The following CHL1 variants were observed in gnomAD, a reference collection of about 807,000 sequenced individuals.
CHL1 encodes the protein neural cell adhesion molecule L1-like protein.
A neutral mutation model predicts 141.9 loss-of-function variants in CHL1; 96 were observed. The ratio of observed to expected loss-of-function variants is 0.68; its 90% CI spans 0.57 to 0.80. The LOEUF is 0.80. Among genes scored for constraint, CHL1 ranks in the 30% least tolerant of loss-of-function variants. CHL1 has a pLI of 0.00. For synonymous variants in CHL1, 613 were observed against 502.2 expected, an observed-to-expected ratio of 1.22 and a Z score of -2.95; for missense variants, 1,820 against 1,457.2, an observed-to-expected ratio of 1.25 and a Z score of -4.05.
chr3:354,907 G>A, intron 11 of CHL1, 136 bp downstream of exon 11: 1 of 1,112,624 alleles, frequency 9.0e-7, no homozygotes, highest in Non-Finnish European at 1.3e-6. Flanking sequence ...ATCAGAGATT[G>A]TTTATTTCTA....
At chr3:273,067 G>A (rs1032486323) in intron 2 of CHL1, among the ~76,000 whole-genome samples, 4 of 152,172 alleles carry the variant, frequency 2.6e-5, no homozygotes, top group South Asian at 2.1e-4. Flanking sequence ...ACATCTCTGC[G>A]AAGATCTGGG....
At chr3:264,796 C>G (rs538210926) in intron 2 of CHL1, among the ~76,000 whole-genome samples, 1 of 152,182 alleles carries the variant, frequency 6.6e-6, no homozygotes, top group Non-Finnish European at 1.5e-5. Context: ...TCGCAATGGA[C>G]TGTTTGCGTA....
intron 5 of CHL1, among the ~76,000 whole-genome samples, chr3:334,104 G>A (rs1198453006): frequency 1.3e-5 from 2 of 152,066 alleles, no homozygotes; most frequent in African/African-American, 2.4e-5. Context: ...CTACAGGCAT[G>A]TACCACCATG....
At chr3:392,929 C>T (rs1030450596) in intron 23 of CHL1, among the ~76,000 whole-genome samples, 2 of 147,644 alleles carry the variant, frequency 1.4e-5, no homozygotes, top group Non-Finnish European at 3.0e-5. Flanking sequence ...AATGTACTAT[C>T]ACTATTTTAT....
At chr3:313,708 G>A (rs1483657051) in intron 2 of CHL1, among the ~76,000 whole-genome samples, 2 of 152,144 alleles carry the variant, frequency 1.3e-5, no homozygotes, top group African/African-American at 4.8e-5. Flanking sequence ...TGAAAACTTA[G>A]TCTTAACCAT....
chr3:359,761 A>C (rs1400229415), intron 11 of CHL1, among the ~76,000 whole-genome samples: 2 of 152,206 alleles, frequency 1.3e-5, no homozygotes, highest in African/African-American at 2.4e-5. Flanking sequence ...ATGTACATGA[A>C]GTGGTTAAAT....
chr3:357,156 G>C (rs1393109854), intron 11 of CHL1, among the ~76,000 whole-genome samples: 1 of 152,204 alleles, frequency 6.6e-6, no homozygotes, highest in Non-Finnish European at 1.5e-5. Context: ...TCAAACCAAA[G>C]CCAGGTGGCT....
rs143273520 is a variant in CHL1 at position 220,125 on chromosome 3, G to A, written c.-175+23062G>A. On this transcript the variant is annotated intron_variant, in intron 1 of 27. Transcript: ENST00000256509. ...TGGAAAAGGTGAAATTGAAGGGATA[G>A]CAATAGAATCATTGTTTTTAAAGAC... Among the ~76,000 whole-genome samples the A allele has an allele frequency of 5.3e-4, 80 of 152,326 alleles. 1 individual carries two copies. The highest frequency in any genetic ancestry group is 1.9e-3 in the African/African-American group (78 of 41,582).
At position 406,999 on chromosome 3, in the gene CHL1, T is replaced by A. The variant is rs1395976188; in HGVS notation, c.*1288T>A. 1 of 152,094 alleles carries A rather than the reference T, an allele frequency of 6.6e-6. No homozygotes were observed. The allele number at this position is 152,094 out of a possible 1,614,324, so 9.4% of individuals were successfully genotyped here. A position where few individuals can be genotyped will look rare whatever the true frequency, so the allele number is the denominator to read the frequency against. On this transcript the variant is annotated 3_prime_UTR_variant, in exon 28 of 28. Transcript: ENST00000256509. ...TTTTAAACATCTTTGTGGTGAGAAT[T>A]TTTTCCCCGATATTCTCCTTCTGTC...
intron 4 of CHL1, 101 bp from the exon 5 acceptor site, chr3:328,066 A>C: frequency 1.2e-6 from 1 of 843,380 alleles, no homozygotes; most frequent in East Asian, 2.6e-5. Flanking sequence ...ACTTTTTATC[A>C]TAAAATGTCT....
intron 26 of CHL1, 67 bp downstream of exon 26, chr3:399,215 G>A: frequency 7.3e-7 from 1 of 1,378,870 alleles, no homozygotes; most frequent in Non-Finnish European, 1.0e-6. Flanking sequence ...ATTCTTCAGA[G>A]ACAACTTTTT....
intron 5 of CHL1, among the ~76,000 whole-genome samples, chr3:337,460 G>T (rs1701981241): frequency 6.6e-6 from 1 of 151,972 alleles, no homozygotes; most frequent in South Asian, 2.1e-4. Flanking sequence ...CTGGTGTGCT[G>T]CACCCATTAA....
chr3:398,147 C>G, intron 24 of CHL1, 80 bp from the exon 25 acceptor site: 1 of 901,686 alleles, frequency 1.1e-6, no homozygotes, highest in East Asian at 2.9e-5. Context: ...CTTTCTTATT[C>G]ACCTCTAACA....
At chr3:278,508 A>C (rs932970173) in intron 2 of CHL1, among the ~76,000 whole-genome samples, 1 of 152,306 alleles carries the variant, frequency 6.6e-6, no homozygotes, top group African/African-American at 2.4e-5. Context: ...AGTACCTCTC[A>C]AAGCAATGAA....
intron 2 of CHL1, among the ~76,000 whole-genome samples, chr3:284,730 C>T (rs1574957548): frequency 1.3e-5 from 2 of 151,480 alleles, no homozygotes; most frequent in African/African-American, 4.9e-5. Flanking sequence ...AAATCCTGGC[C>T]TGATACATTT....
intron 2 of CHL1, among the ~76,000 whole-genome samples, chr3:283,520 G>T (rs1478683832): frequency 6.6e-6 from 1 of 152,106 alleles, no homozygotes; most frequent in South Asian, 2.1e-4. Flanking sequence ...TCATCTATCT[G>T]TCTGTCTATC....
At chr3:214,924 G>C (rs1700187451) in intron 1 of CHL1, among the ~76,000 whole-genome samples, 1 of 150,552 alleles carries the variant, frequency 6.6e-6, no homozygotes, top group Non-Finnish European at 1.5e-5. Context: ...AGATTATAAA[G>C]CTGAGAATTG....
chr3:343,509 G>GTCCT (rs1231033364), intron 8 of CHL1, among the ~76,000 whole-genome samples: 12 of 152,170 alleles, frequency 7.9e-5, no homozygotes, highest in Non-Finnish European at 1.5e-4. Flanking sequence ...CATTTTTCAA[G>GTCCT]TTCATGTGTC....
Position 284,926 on chromosome 3 carries a change from C to A in CHL1, c.-94-34757C>A, listed in dbSNP as rs1222222078. Among the ~76,000 whole-genome samples the A allele has an allele frequency of 3.9e-5, 6 of 151,992 alleles. No homozygotes were observed. The South Asian group carries it at 1.2e-3, about 32-fold the overall frequency. On this transcript the variant is annotated intron_variant, in intron 2 of 27. Coordinates refer to ENST00000256509, the MANE Select transcript of CHL1 (RefSeq NM_006614.4). ...CAAAATTCTGCAGAATCTATTATATCGTTGTTTGACGAATCAAATAATGTA... is the reference window on the plus strand; with the variant it reads ...CAAAATTCTGCAGAATCTATTATATAGTTGTTTGACGAATCAAATAATGTA...
Sources: gnomAD v4.1 joint callset for allele counts (sites outside exome capture counted in the v4.1 genomes callset) on GRCh38, gnomAD v4.1.1 for gene constraint, MANE v1.5 for transcripts, NCBI Gene and HGNC (gene_info 2026-07-23, HGNC 2026-07-21) for gene names.